PTPRM: variants seen among roughly 807,000 people sequenced by gnomAD.
PTPRM encodes the protein receptor-type tyrosine-protein phosphatase mu.
A neutral mutation model predicts 186.7 loss-of-function variants in PTPRM; 47 were observed. That is an observed-to-expected ratio of 0.25 (90% CI 0.20 to 0.32). The LOEUF (loss-of-function observed/expected upper bound fraction) is 0.32, where lower values mean the gene tolerates loss of function less well. Among genes scored for constraint, PTPRM ranks in the 10% least tolerant of loss-of-function variants. The pLI is 1.00. For missense variants in PTPRM, 1,494 were observed against 1,865.0 expected, an observed-to-expected ratio of 0.80 and a Z score of 3.66; for synonymous variants, 668 against 674.9, an observed-to-expected ratio of 0.99 and a Z score of 0.16.
At chr18:8,127,096 T>A (rs896098695) in intron 13 of PTPRM, among the ~76,000 whole-genome samples, 1 of 151,226 alleles carries the variant, frequency 6.6e-6, no homozygotes, top group African/African-American at 2.4e-5. Flanking sequence ...GGAGAAGAGA[T>A]GAAAAAGGCC....
chr18:8,328,960 G>A (rs668262), intron 22 of PTPRM, among the ~76,000 whole-genome samples: 130,370 of 152,196 alleles, frequency 0.86, 56,565 homozygotes, highest in Middle Eastern at 0.93. Context: ...AAGAGTTAAA[G>A]TTAAAAGATG....
intron 7 of PTPRM, among the ~76,000 whole-genome samples, chr18:8,044,465 A>G (rs1422809126): frequency 6.6e-6 from 1 of 152,158 alleles, no homozygotes; most frequent in East Asian, 1.9e-4. Context: ...AGTTGCAGTA[A>G]TCAAGACATG....
At chr18:7,811,354 A>G (rs1360167117) in intron 2 of PTPRM, among the ~76,000 whole-genome samples, 1 of 151,650 alleles carries the variant, frequency 6.6e-6, no homozygotes, top group African/African-American at 2.4e-5. Context: ...TGCTTGGGAG[A>G]CTCAAACTCT....
At chr18:8,372,090 A>T (rs1243455281) in intron 24 of PTPRM, among the ~76,000 whole-genome samples, 1 of 42,020 alleles carries the variant, frequency 2.4e-5, no homozygotes, top group Non-Finnish European at 6.9e-5. Flanking sequence ...TTTAAGACGG[A>T]GTCTCGCTCT....
intron 1 of PTPRM, among the ~76,000 whole-genome samples, chr18:7,762,349 A>G (rs1287453138): frequency 6.6e-6 from 1 of 151,998 alleles, no homozygotes; most frequent in South Asian, 2.1e-4. Context: ...ACAAGTGCTG[A>G]ACAGGTGCAG....
intron 1 of PTPRM, among the ~76,000 whole-genome samples, chr18:7,681,139 AT>A (rs1242569355): frequency 2.6e-5 from 4 of 151,814 alleles, no homozygotes; most frequent in South Asian, 2.1e-4. Context: ...TGTTCTGAGG[AT>A]TTTTTTTCCC....
rs138559633 is a variant in PTPRM at position 8,207,957 on chromosome 18, C to G, written c.2301-36101C>G. 4.7e-3 allele frequency among the ~76,000 whole-genome samples: 710 copies of G among 152,212 alleles called. 2 individuals are homozygous for G. The highest frequency in any genetic ancestry group is 8.5e-3 in the Non-Finnish European group (576 of 68,010). On this transcript the variant is annotated intron_variant, in intron 14 of 32. Coordinates refer to ENST00000580170, the MANE Select transcript of PTPRM (RefSeq NM_001105244.2). ...TGGCAGTTTGAAAGAAATATATCTG[C>G]CAACAAATATTCAGAAATTACGTGC...
At chr18:7,876,020 G>A (rs1245731862) in intron 2 of PTPRM, among the ~76,000 whole-genome samples, 3 of 152,040 alleles carry the variant, frequency 2.0e-5, no homozygotes, top group Non-Finnish European at 4.4e-5. Flanking sequence ...TCTAAACATG[G>A]CAAAGGTGCA....
At chr18:7,953,518 T>G (rs1352022451) in intron 6 of PTPRM, among the ~76,000 whole-genome samples, 1 of 152,200 alleles carries the variant, frequency 6.6e-6, no homozygotes, top group Non-Finnish European at 1.5e-5. Flanking sequence ...GAACAATATT[T>G]TAGTAAATTT....
rs547156086 is a variant in PTPRM, at chr18:8,052,858, T to C, written c.1133-16828T>C. On this transcript the variant is annotated intron_variant, in intron 7 of 32. Coordinates refer to ENST00000580170, the MANE Select transcript of PTPRM (RefSeq NM_001105244.2). ...GCCAACAATCAGTATTACCAGACTTTCTAATTTTTGTGAATCTGATTGGTA... is the reference window on the plus strand; with the variant it reads ...GCCAACAATCAGTATTACCAGACTTCCTAATTTTTGTGAATCTGATTGGTA... Among the ~76,000 whole-genome samples, 46 of 152,298 alleles carry C rather than the reference T, an allele frequency of 3.0e-4. No individual in the cohort carries two copies. The South Asian group carries it at 8.5e-3, about 28-fold the overall frequency.
chr18:7,820,066 C>T (rs1464029779), intron 2 of PTPRM, among the ~76,000 whole-genome samples: 1 of 152,170 alleles, frequency 6.6e-6, no homozygotes, highest in African/African-American at 2.4e-5. Context: ...TTATCTTAAG[C>T]TTGGGTGAAA....
intron 1 of PTPRM, among the ~76,000 whole-genome samples, chr18:7,687,802 G>A (rs1280878116): frequency 6.8e-6 from 1 of 147,452 alleles, no homozygotes; most frequent in Admixed American, 6.7e-5. Context: ...TTTTTAAGAC[G>A]GAGTCTCACT....
At chr18:8,010,431 A>G (rs944375578) in intron 7 of PTPRM, among the ~76,000 whole-genome samples, 2 of 152,184 alleles carry the variant, frequency 1.3e-5, no homozygotes, top group Non-Finnish European at 1.5e-5. Context: ...CAGACCTCAG[A>G]AATGTCCTGT....
chr18:8,364,094 G>A (rs1463283309), intron 23 of PTPRM, among the ~76,000 whole-genome samples: 1 of 152,198 alleles, frequency 6.6e-6, no homozygotes, highest in East Asian at 1.9e-4. Flanking sequence ...TCTTGATGTA[G>A]TGCCAGTTTT....
chr18:7,988,499 C>T (rs570384601), intron 7 of PTPRM, among the ~76,000 whole-genome samples: 3 of 152,242 alleles, frequency 2.0e-5, no homozygotes, highest in South Asian at 2.1e-4. Flanking sequence ...ACTGTCACCA[C>T]GATCTATATC....
At chr18:7,893,794 G>A (rs1476992778) in intron 3 of PTPRM, among the ~76,000 whole-genome samples, 6 of 152,102 alleles carry the variant, frequency 3.9e-5, no homozygotes, top group East Asian at 1.9e-4. Context: ...TTGTAGATGC[G>A]GCAAGAGAAA....
intron 1 of PTPRM, among the ~76,000 whole-genome samples, chr18:7,618,443 A>G (rs889098078): frequency 3.3e-5 from 5 of 152,194 alleles, no homozygotes; most frequent in African/African-American, 9.7e-5. Context: ...TGAAACTTCT[A>G]TTTAGTATAG....
At chr18:7,670,003 C>G (rs932720920) in intron 1 of PTPRM, among the ~76,000 whole-genome samples, 3 of 152,128 alleles carry the variant, frequency 2.0e-5, no homozygotes, top group Non-Finnish European at 4.4e-5. Flanking sequence ...CTCGGACTCC[C>G]AAAGTGCTGG....
intron 2 of PTPRM, among the ~76,000 whole-genome samples, chr18:7,842,086 T>C (rs764660730): frequency 6.6e-5 from 10 of 152,306 alleles, no homozygotes; most frequent in Non-Finnish European, 1.2e-4. Context: ...CTTAGATCCA[T>C]GTTCCCAGAA....
Sources: gnomAD v4.1 joint callset for allele counts (sites outside exome capture counted in the v4.1 genomes callset) on GRCh38, gnomAD v4.1.1 for gene constraint, MANE v1.5 for transcripts, NCBI Gene and HGNC (gene_info 2026-07-23, HGNC 2026-07-21) for gene names.